The following ZNF618 variants were observed in gnomAD, a reference collection of about 807,000 sequenced individuals.
The protein encoded by ZNF618 is zinc finger protein 618, also known as neural precursor cell expressed, developmentally down-regulated 10.
In ZNF618, 34 loss-of-function variants were observed where a neutral mutation model predicts 103.0. The ratio of observed to expected loss-of-function variants is 0.33; its 90% confidence interval spans 0.25 to 0.44. The LOEUF is 0.44. ZNF618 is among the 20% of genes least tolerant of loss of function. The pLI is 1.00. For missense variants in ZNF618, 1,059 were observed against 1,295.4 expected, an observed-to-expected ratio of 0.82 and a Z score of 2.80; for synonymous variants, 551 against 542.2, an observed-to-expected ratio of 1.02 and a Z score of -0.23.
At chr9:113,921,535 C>G (rs1003693460) in intron 1 of ZNF618, among the ~76,000 whole-genome samples, 2 of 152,180 alleles carry the variant, frequency 1.3e-5, no homozygotes, top group Non-Finnish European at 1.5e-5. Flanking sequence ...TCCAGAGTCT[C>G]GAAACACCCA....
chr9:113,904,182 C>T (rs1204815556), intron 1 of ZNF618, among the ~76,000 whole-genome samples: 1 of 144,914 alleles, frequency 6.9e-6, no homozygotes, highest in African/African-American at 2.5e-5. Flanking sequence ...CTAACCTCTT[C>T]TTTTTTTTTT....
intron 1 of ZNF618, among the ~76,000 whole-genome samples, chr9:113,933,143 T>TGGGAAGATGACTTC (rs1833746552): frequency 6.6e-6 from 1 of 152,152 alleles, no homozygotes; most frequent in South Asian, 2.1e-4. Flanking sequence ...CTGGTGACTT[T>TGGGAAGATGACTTC]GGGAAGATGA....
At chr9:113,951,147 A>G (rs1299266035) in intron 1 of ZNF618, among the ~76,000 whole-genome samples, 4 of 151,624 alleles carry the variant, frequency 2.6e-5, no homozygotes, top group African/African-American at 9.7e-5. Flanking sequence ...GTGGTTTTTC[A>G]TGAATAACAA....
At chr9:113,903,842 T>C (rs1254939534) in intron 1 of ZNF618, among the ~76,000 whole-genome samples, 1 of 152,092 alleles carries the variant, frequency 6.6e-6, no homozygotes, top group Non-Finnish European at 1.5e-5. Context: ...ATTTTTTTCT[T>C]ACTACTTTTA....
chr9:114,043,237 G>A (rs982771138), intron 13 of ZNF618, among the ~76,000 whole-genome samples: 2 of 152,150 alleles, frequency 1.3e-5, no homozygotes, highest in Non-Finnish European at 2.9e-5. Flanking sequence ...ACTCTTTTGG[G>A]TATATACCTG....
At chr9:113,880,664 A>G (rs1828429996) in intron 1 of ZNF618, among the ~76,000 whole-genome samples, 1 of 151,668 alleles carries the variant, frequency 6.6e-6, no homozygotes, top group African/African-American at 2.4e-5. Flanking sequence ...AAAAACAAGA[A>G]TAGACTAGAA....
At chr9:113,998,759 C>A (rs1840876692) in intron 4 of ZNF618, among the ~76,000 whole-genome samples, 1 of 152,256 alleles carries the variant, frequency 6.6e-6, no homozygotes, top group Non-Finnish European at 1.5e-5. Context: ...GTGCAGTGGC[C>A]TCCCCAGGAC....
chr9:114,017,931 C>T (rs149135162), intron 10 of ZNF618, among the ~76,000 whole-genome samples: 7 of 152,246 alleles, frequency 4.6e-5, no homozygotes, highest in East Asian at 1.9e-4. Flanking sequence ...GGGGTCTTCC[C>T]GTGGGTGAGA....
In ZNF618 at chr9:113,943,049, G is replaced by A. The variant is rs113664815; in HGVS notation, c.34-26068G>A. On this transcript the variant is annotated intron_variant, in intron 1 of 14. Coordinates refer to ENST00000374126, the MANE Select transcript of ZNF618 (RefSeq NM_001318042.2). Reference sequence around the variant, plus strand: ...CAGGTGCATCTGGAAACATCACCAGGAAGAGAAGAAACTCCACTGGGAAGG... The same window carrying A: ...CAGGTGCATCTGGAAACATCACCAGAAAGAGAAGAAACTCCACTGGGAAGG... 6.4e-3 allele frequency among the ~76,000 whole-genome samples: 970 copies of A among 152,298 alleles called. 10 individuals are homozygous for A. Among genetic ancestry groups the A allele is most frequent in the African/African-American group, 0.022 (933 of 41,562 alleles).
intron 1 of ZNF618, among the ~76,000 whole-genome samples, chr9:113,888,778 G>C (rs952524791): frequency 1.3e-5 from 2 of 152,212 alleles, no homozygotes; most frequent in African/African-American, 4.8e-5. Flanking sequence ...ATAAGGGCTT[G>C]GACTAGGTTG....
Position 114,050,060 on chromosome 9 carries a change from A to G in ZNF618, c.2758A>G (p.Ser920Gly). ...LLAVPAVGAR[S>G]GCVNMCEQAL... is the part of the protein sequence containing the mutation. ...GGCGGTTCCGGCCGTGGGCGCCAGA[A>G]GCGGGTGTGTAAATATGTGTGAACA... is the stretch of plus-strand genomic sequence containing the variant. Residue 920 changes from serine (S) to glycine (G), a missense_variant, in exon 15 of 15, where the codon AGC (serine) becomes GGC (glycine). Physicochemically the swap from Ser to Gly is moderately conservative, Grantham distance 56. Transcript: ENST00000374126. The G allele has an allele frequency of 6.2e-7, 1 of 1,613,670 alleles. No homozygotes were observed. Among genetic ancestry groups the G allele is most frequent in the Non-Finnish European group, 8.5e-7 (1 of 1,179,904 alleles).
chr9:113,951,197 G>A (rs1683017151), intron 1 of ZNF618, among the ~76,000 whole-genome samples: 1 of 151,036 alleles, frequency 6.6e-6, no homozygotes, highest in Non-Finnish European at 1.5e-5. Flanking sequence ...TGGCTTTGGG[G>A]TGGTCGCTTA....
chr9:113,919,544 G>C (rs1335366201), intron 1 of ZNF618, among the ~76,000 whole-genome samples: 1 of 152,234 alleles, frequency 6.6e-6, no homozygotes, highest in Non-Finnish European at 1.5e-5. Flanking sequence ...TGTTATGCCA[G>C]GAGCGAACTT....
chr9:113,988,985 A>AT (rs1048944225), intron 3 of ZNF618, among the ~76,000 whole-genome samples: 33 of 152,246 alleles, frequency 2.2e-4, no homozygotes, highest in Non-Finnish European at 2.5e-4. Flanking sequence ...GCAGTACCCC[A>AT]TCAGGATTGG....
rs1843749186 is a variant in ZNF618, at chr9:114,028,895, A to G, written c.1007A>G (p.His336Arg). Residue 336 changes from histidine to arginine, a missense_variant, in exon 11 of 15, where the codon CAC becomes CGC. Around this residue, in one of 6 missense-constraint regions of ZNF618, gnomAD observed 434 missense variants for 476.0 expected, o/e 0.91. Coordinates refer to ENST00000374126, the MANE Select transcript of ZNF618 (RefSeq NM_001318042.2). ...GTGGTCCGATGTGCCACCCTCTTAC[A>G]CCGCACCCCTCCAGCCACCCAAACC... Reference protein sequence around the residue: ...ASVVRCATLLHRTPPATQTQT... With the variant: ...ASVVRCATLLRRTPPATQTQT... 6.5e-7 allele frequency: 1 copy of G among 1,550,152 alleles called. No homozygotes were observed. Among genetic ancestry groups the G allele is most frequent in the South Asian group, 1.2e-5 (1 of 84,044 alleles).
rs1844196557 is a variant in ZNF618 at position 114,032,685 on chromosome 9, A to G, written c.1125A>G (p.Gln375=). ...AFSRRVEGKA[Q]NHFEETNSSS... is the part of the protein sequence containing the mutation. ...GTCGGAGAGTAGAAGGCAAAGCACA[A>G]AACCACTTTGAAGAGACGAACAGCA... is the stretch of plus-strand genomic sequence containing the variant. The change falls in exon 12 of 15, where the codon CAA becomes CAG. Residue 375 remains glutamine (Q), a synonymous_variant. Transcript: ENST00000374126. The G allele has an allele frequency of 6.2e-7, 1 of 1,614,048 alleles. No homozygotes were observed. The highest frequency in any genetic ancestry group is 8.5e-7 in the Non-Finnish European group (1 of 1,179,902).
chr9:113,943,850 A>T (rs1482045994), intron 1 of ZNF618, among the ~76,000 whole-genome samples: 1 of 152,030 alleles, frequency 6.6e-6, no homozygotes, highest in East Asian at 1.9e-4. Flanking sequence ...GAGGGCTTGG[A>T]CTTCAGTGTT....
intron 10 of ZNF618, among the ~76,000 whole-genome samples, chr9:114,019,146 A>G (rs561689350): frequency 1.5e-4 from 22 of 151,426 alleles, no homozygotes; most frequent in Non-Finnish European, 2.2e-4. Context: ...AATGTTTTTA[A>G]GATTCATATT....
chr9:114,015,858 A>G (rs991498970), intron 9 of ZNF618, among the ~76,000 whole-genome samples: 3 of 152,224 alleles, frequency 2.0e-5, no homozygotes, highest in African/African-American at 7.2e-5. Context: ...TCCACAAAGT[A>G]ATGTCGGTTG....
Sources: gnomAD v4.1 joint callset for allele counts (sites outside exome capture counted in the v4.1 genomes callset) on GRCh38, gnomAD v4.1.1 for gene constraint, gnomAD v4.1.1 regional missense constraint, MANE v1.5 for transcripts, NCBI Gene and HGNC (gene_info 2026-07-23, HGNC 2026-07-21) for gene names.